The following DLGAP2 variants were observed in gnomAD, a reference collection of about 807,000 sequenced individuals.
DLGAP2 encodes the protein disks large-associated protein 2.
Under a neutral mutation model 100.3 loss-of-function variants are expected in DLGAP2, and 26 were observed. The observed-to-expected ratio is 0.26, with a 90% CI of 0.19 to 0.36. The LOEUF is 0.36. Among genes scored for constraint, DLGAP2 ranks in the 10% least tolerant of loss-of-function variants. The pLI is 1.00. For missense variants in DLGAP2, 1,858 were observed against 1,453.2 expected, an observed-to-expected ratio of 1.28 and a Z score of -4.53; for synonymous variants, 886 against 630.1, an observed-to-expected ratio of 1.41 and a Z score of -6.08.
At chr8:1,590,354 C>T (rs1796255027) in intron 6 of DLGAP2, among the ~76,000 whole-genome samples, 1 of 152,174 alleles carries the variant, frequency 6.6e-6, no homozygotes. Flanking sequence ...AATGGCACCC[C>T]TCTATCTTGG....
chr8:905,219 A>G lies in DLGAP2; in HGVS notation c.19-2693A>G, dbSNP rs543554181. 3.2e-3 allele frequency among the ~76,000 whole-genome samples: 489 copies of G among 152,230 alleles called. 3 individuals carry two copies. The highest frequency in any genetic ancestry group is 0.011 in the African/African-American group (460 of 41,542). On this transcript the variant is annotated intron_variant, in intron 1 of 14. Coordinates refer to ENST00000637795, the MANE Select transcript of DLGAP2 (RefSeq NM_001346810.2). ...GCTCTGTGGGAGCCGCAGGGTGGGC[A>G]CTGTGTTTGTGGGACCATCCGACGA...
chr8:1,552,233 T>C (rs1159387406), intron 5 of DLGAP2, among the ~76,000 whole-genome samples: 1 of 151,656 alleles, frequency 6.6e-6, no homozygotes, highest in Non-Finnish European at 1.5e-5. Context: ...GCCCGGAGGA[T>C]CGGAGGATAG....
chr8:1,328,341 T>A (rs1342566794), intron 3 of DLGAP2, among the ~76,000 whole-genome samples: 1 of 150,820 alleles, frequency 6.6e-6, no homozygotes, highest in Non-Finnish European at 1.5e-5. Context: ...ATTTTTGAGA[T>A]GGAGTCTCAC....
chr8:1,250,242 T>A (rs748619810), intron 2 of DLGAP2: 14 of 152,152 alleles, frequency 9.2e-5, no homozygotes, highest in Non-Finnish European at 1.8e-4. Context: ...CAAAGTCAGA[T>A]ATGGCATTTC....
rs1056295107 is a variant in DLGAP2 at position 965,831 on chromosome 8, C to G, written c.73+57865C>G. On this transcript the variant is annotated intron_variant, in intron 2 of 14. Coordinates refer to ENST00000637795, the MANE Select transcript of DLGAP2 (RefSeq NM_001346810.2). ...TCTGACCCCTGCGCTGTACACGGCA[C>G]TGTTCATCACACACGCGGCTCCAGA... Among the ~76,000 whole-genome samples the G allele has an allele frequency of 3.3e-5, 5 of 150,964 alleles. No homozygotes were observed. In the East Asian group the frequency reaches 7.9e-4, roughly 24 times the overall value.
chr8:1,100,657 T>C (rs961815041), intron 2 of DLGAP2, among the ~76,000 whole-genome samples: 1 of 152,156 alleles, frequency 6.6e-6, no homozygotes, highest in South Asian at 2.1e-4. Context: ...AGAGGATAAT[T>C]GTCAGACGTC....
Position 1,227,153 on chromosome 8 carries a change from G to GATATATATATATATATATATATATATAT in DLGAP2, c.74-31677_74-31676insTATATATATATATATATATATATATATA, listed in dbSNP as rs759172816. ...AAATGAATGGGTAAGGAAACTGTGA[G>GATATATATATATATATATATATATATAT]ATATATATATATATATATATAGTAT... On this transcript the variant is annotated intron_variant, in intron 2 of 14. Coordinates refer to ENST00000637795, the MANE Select transcript of DLGAP2 (RefSeq NM_001346810.2). 4.4e-3 allele frequency among the ~76,000 whole-genome samples: 391 copies of GATATATATATATATATATATATATATAT among 89,484 alleles called. 11 individuals are homozygous for GATATATATATATATATATATATATATAT. Among genetic ancestry groups the GATATATATATATATATATATATATATAT allele is most frequent in the Non-Finnish European group, 5.2e-3 (264 of 50,482 alleles). The allele number at this position is 89,484 out of a possible 152,430, so 58.7% of individuals were successfully genotyped here. A position where few individuals can be genotyped will look rare whatever the true frequency, so the allele number is the denominator to read the frequency against.
chr8:1,188,389 CGGGA>C (rs1797560515), intron 2 of DLGAP2, among the ~76,000 whole-genome samples: 1 of 132,806 alleles, frequency 7.5e-6, no homozygotes, highest in African/African-American at 3.6e-5. Context: ...CTCACACACC[CGGGA>C]CCTCCATGAC....
chr8:863,730 G>A (rs553554943), intron 1 of DLGAP2, among the ~76,000 whole-genome samples: 21 of 152,330 alleles, frequency 1.4e-4, no homozygotes, highest in African/African-American at 4.8e-4. Flanking sequence ...GACAGCAGAT[G>A]CCAGTGCGGA....
At chr8:1,110,805 C>T (rs1199802300) in intron 2 of DLGAP2, among the ~76,000 whole-genome samples, 1 of 148,394 alleles carries the variant, frequency 6.7e-6, no homozygotes, top group Non-Finnish European at 1.5e-5. Flanking sequence ...ATACAGCTTT[C>T]TATATTCACC....
At chr8:1,584,254 G>C (rs546075297) in intron 6 of DLGAP2, among the ~76,000 whole-genome samples, 2 of 152,290 alleles carry the variant, frequency 1.3e-5, no homozygotes, top group East Asian at 3.9e-4. Flanking sequence ...CGCCGATAAA[G>C]TAATCCTGTT....
chr8:1,283,533 T>G (rs549130062), intron 3 of DLGAP2, among the ~76,000 whole-genome samples: 183 of 152,370 alleles, frequency 1.2e-3, no homozygotes, highest in African/African-American at 4.2e-3. Context: ...ACAGTTCCTT[T>G]CAGCCTTGGC....
At chr8:1,585,277 A>C (rs1370737478) in intron 6 of DLGAP2, among the ~76,000 whole-genome samples, 4 of 152,266 alleles carry the variant, frequency 2.6e-5, no homozygotes, top group African/African-American at 9.6e-5. Flanking sequence ...AGCCTGGCCA[A>C]GATGGCAAAA....
intron 3 of DLGAP2, among the ~76,000 whole-genome samples, chr8:1,345,193 G>C (rs922726018): frequency 1.6e-5 from 1 of 64,018 alleles, no homozygotes; most frequent in Non-Finnish European, 3.8e-5. Flanking sequence ...CTGTGAAGTA[G>C]AGTTCTGAGG....
intron 3 of DLGAP2, among the ~76,000 whole-genome samples, chr8:1,452,502 C>G: frequency 6.6e-6 from 1 of 152,162 alleles, no homozygotes; most frequent in Non-Finnish European, 1.5e-5. Context: ...CTAGGATGCC[C>G]GATGCTTCTG....
intron 2 of DLGAP2, among the ~76,000 whole-genome samples, chr8:922,052 G>T (rs1798726494): frequency 6.6e-6 from 1 of 152,254 alleles, no homozygotes; most frequent in Non-Finnish European, 1.5e-5. Flanking sequence ...AGCTGGGCAG[G>T]TGCCGTGTGC....
Position 1,549,440 on chromosome 8 carries a change from C to G in DLGAP2, c.987C>G (p.Asp329Glu), listed in dbSNP as rs368715971. 1.2e-6 allele frequency: 2 copies of G among 1,613,492 alleles called. No individual in the cohort carries two copies. The highest frequency in any genetic ancestry group is 1.7e-5 in the Admixed American group (1 of 60,030). The change falls in exon 5 of 15, where the codon GAC (aspartate) becomes GAG (glutamate). Residue 329 changes from aspartate to glutamate, a missense_variant. Asp to Glu is a conservative substitution (Grantham distance 45, BLOSUM62 2). Transcript: ENST00000637795. ...GCCCCGTGGCCCACTGCTACCCCGA[C>G]GCGCTGCAGAGCCCCTTCGGGGACC... Reference protein sequence around the residue: ...HLGPVAHCYPDALQSPFGDLS... With the variant: ...HLGPVAHCYPEALQSPFGDLS...
intron 2 of DLGAP2, among the ~76,000 whole-genome samples, chr8:1,250,844 A>C (rs188198945): frequency 1.2e-4 from 18 of 152,328 alleles, no homozygotes; most frequent in Non-Finnish European, 4.4e-5. Flanking sequence ...TCCTGATTAC[A>C]GTCAGGCGCC....
At chr8:779,799 A>G (rs1432383509) in intron 1 of DLGAP2, among the ~76,000 whole-genome samples, 1 of 152,098 alleles carries the variant, frequency 6.6e-6, no homozygotes, top group African/African-American at 2.4e-5. Context: ...AGTTCATTGC[A>G]TAGTCTTCCA....
Sources: allele counts gnomAD v4.1 joint callset (sites outside exome capture counted in the v4.1 genomes callset), GRCh38; gene constraint gnomAD v4.1.1; transcripts MANE v1.5; gene names NCBI Gene and HGNC (gene_info 2026-07-23, HGNC 2026-07-21).